The following NPC1 variants were observed in gnomAD, a reference collection of about 807,000 sequenced individuals.
NPC1 encodes the protein NPC intracellular cholesterol transporter 1, also known as Niemann-Pick C1 protein.
A neutral mutation model predicts 140.4 loss-of-function variants in NPC1; 85 were observed. The ratio of observed to expected loss-of-function variants is 0.61; its 90% CI spans 0.51 to 0.72. NPC1 has a LOEUF of 0.72. Among genes scored for constraint, NPC1 ranks in the 30% least tolerant of loss-of-function variants. The pLI is 0.00. For missense variants in NPC1, 1,504 were observed against 1,623.8 expected (o/e 0.93, Z 1.27); for synonymous variants, 656 against 624.8 (o/e 1.05, Z -0.74).
intron 1 of NPC1, 29 bp from the exon 2 acceptor site, chr18:23,573,603 T>C (rs1452099024): frequency 1.2e-6 from 2 of 1,613,924 alleles, no homozygotes; most frequent in African/African-American, 2.7e-5. Context: ...AACTTCAGTG[T>C]TACCAGGGTC....
At chr18:23,574,445 T>TA (rs11377814) in intron 1 of NPC1, among the ~76,000 whole-genome samples, 4,661 of 146,270 alleles carry the variant, frequency 0.032, 203 homozygotes, top group African/African-American at 0.11. Context: ...GGGAAAGCCA[T>TA]AAAAAAAAAA....
At chr18:23,516,691 T>C (rs964034188) in intron 3 of NPC1, among the ~76,000 whole-genome samples, 52 of 151,746 alleles carry the variant, frequency 3.4e-4, no homozygotes, top group African/African-American at 1.3e-3. Flanking sequence ...TTGAACCAAT[T>C]TATTTCTTAG....
chr18:23,564,031 C>G (rs140944965), intron 4 of NPC1, among the ~76,000 whole-genome samples: 248 of 131,370 alleles, frequency 1.9e-3, no homozygotes, highest in African/African-American at 7.0e-3. Context: ...GTCCCTCAGG[C>G]TGGAGTCCAA....
chr18:23,506,998 A>G, intron 3 of NPC1: 2 of 1,609,670 alleles, frequency 1.2e-6, no homozygotes. Flanking sequence ...AGTGAAGTGC[A>G]TTAAGTTTTC....
At chr18:23,550,542 C>T (rs1158688424) in intron 10 of NPC1, among the ~76,000 whole-genome samples, 8 of 119,886 alleles carry the variant, frequency 6.7e-5, no homozygotes, top group Admixed American at 1.1e-4. Context: ...AGTGCAGTGA[C>T]TTGATCTTGG....
intron 13 of NPC1, 78 bp downstream of exon 13, chr18:23,544,266 G>A (rs966064662): frequency 3.6e-6 from 5 of 1,391,550 alleles, no homozygotes; most frequent in African/African-American, 2.8e-5. Context: ...TCACACTCAC[G>A]AATGCGGAGC....
rs1555634642 is a variant in NPC1, at chr18:23,544,946, C to CCCCCG, written c.1947+13_1947+14insCGGGG. On this transcript the variant is annotated intron_variant, in intron 12 of 24. Coordinates refer to ENST00000269228, the MANE Select transcript of NPC1 (RefSeq NM_000271.5). ...GTTAACCTCTAGAACATACACCACC[C>CCCCCG]CCCCCCGGCTTACCAGAAGCCTGCG... 94 of 1,329,752 alleles carry CCCCCG rather than the reference C, an allele frequency of 7.1e-5. 1 individual carries two copies. The highest frequency in any genetic ancestry group is 5.4e-4 in the Middle Eastern group (3 of 5,542). The allele number at this position is 1,329,752 out of a possible 1,614,324, so 82.4% of individuals were successfully genotyped here.
At chr18:23,545,628 G>C (rs950105054) in intron 11 of NPC1, among the ~76,000 whole-genome samples, 1 of 152,194 alleles carries the variant, frequency 6.6e-6, no homozygotes, top group Non-Finnish European at 1.5e-5. Context: ...GTCTCTCTCT[G>C]TTGCCTCGGC....
intron 4 of NPC1, among the ~76,000 whole-genome samples, chr18:23,564,352 CTTTTT>C (rs201248333): frequency 7.3e-5 from 11 of 151,652 alleles, no homozygotes; most frequent in African/African-American, 2.4e-4. Flanking sequence ...TATTCTTGTC[CTTTTT>C]TTTGAGACAG....
At chr18:23,525,087 C>T (rs1316634753), downstream of NPC1, among the ~76,000 whole-genome samples, 2 of 151,276 alleles carry the variant, frequency 1.3e-5, no homozygotes, top group Non-Finnish European at 2.9e-5. Context: ...GCTGGGATTA[C>T]AGGCATGTGC....
rs374406578 is a variant in NPC1 at position 23,539,474 on chromosome 18, G to C, written c.2796-4C>G. 1.9e-6 allele frequency: 3 copies of C among 1,601,616 alleles called. No individual in the cohort carries two copies. Among genetic ancestry groups the C allele is most frequent in the Non-Finnish European group, 2.6e-6 (3 of 1,169,552 alleles). On this transcript the variant is annotated splice_polypyrimidine_tract_variant and splice_region_variant and intron_variant, in intron 18 of 24. Coordinates refer to ENST00000269228, the MANE Select transcript of NPC1 (RefSeq NM_000271.5). ...GGGGGCGAAGCCTATTCGGGTACTAGAGAGGACAGACAGGGTTACTGACCT... is the reference window on the plus strand; with the variant it reads ...GGGGGCGAAGCCTATTCGGGTACTACAGAGGACAGACAGGGTTACTGACCT...
rs1459967257 is a variant in NPC1, at chr18:23,536,852, T to G, written c.3066A>C (p.Ala1022=). 5 of 1,614,116 alleles carry G rather than the reference T, an allele frequency of 3.1e-6. No individual in the cohort carries two copies. The highest frequency in any genetic ancestry group is 1.3e-5 in the African/African-American group (1 of 75,044). ...TGCCATGGCCAAGGAGGATGTTAAC[T>G]GCAGAACTATAGGCAGCATGTCCCC... The part of the protein sequence containing the change: ...GKGGHAAYSS[A]VNILLGHGTR... The change falls in exon 21 of 25, where the codon GCA becomes GCC. Residue 1022 remains alanine, a synonymous_variant. Coordinates refer to ENST00000269228, the MANE Select transcript of NPC1 (RefSeq NM_000271.5).
chr18:23,539,775 C>A, intron 18 of NPC1, 36 bp downstream of exon 18: 1 of 1,606,456 alleles, frequency 6.2e-7, no homozygotes, highest in Non-Finnish European at 8.5e-7. Flanking sequence ...GAGCCTCCTC[C>A]GCTGCTTCTG....
At chr18:23,555,726 G>A (rs576050543) in intron 8 of NPC1, among the ~76,000 whole-genome samples, 8 of 152,280 alleles carry the variant, frequency 5.3e-5, no homozygotes, top group East Asian at 3.9e-4. Context: ...CCCCAAATGC[G>A]CCTCTCACCA....
intron 1 of NPC1, among the ~76,000 whole-genome samples, chr18:23,523,530 G>C (rs2058199526): frequency 9.7e-6 from 1 of 103,344 alleles, no homozygotes; most frequent in African/African-American, 3.9e-5. Flanking sequence ...AGGTAACATA[G>C]ACCTTGTCTT....
chr18:23,530,596 C>A, downstream of NPC1: 1 of 1,613,602 alleles, frequency 6.2e-7, no homozygotes, highest in South Asian at 1.1e-5. Flanking sequence ...TGCGAGGGAG[C>A]CCCAATTTCA....
chr18:23,519,726 C>G (rs777130664), downstream of NPC1, among the ~76,000 whole-genome samples: 1 of 152,204 alleles, frequency 6.6e-6, no homozygotes, highest in Non-Finnish European at 1.5e-5. Context: ...GGAATCCGCT[C>G]CATTCCACGA....
intron 3 of NPC1, chr18:23,508,145 T>A: frequency 9.7e-7 from 1 of 1,035,860 alleles, no homozygotes; most frequent in Non-Finnish European, 1.4e-6. Flanking sequence ...AGACTTGAAG[T>A]CAGACTGTCC....
chr18:23,532,153 A>T lies in NPC1; in HGVS notation c.*49T>A. 6.2e-7 allele frequency: 1 copy of T among 1,614,072 alleles called. No individual in the cohort carries two copies. On this transcript the variant is annotated 3_prime_UTR_variant, in exon 25 of 25. Transcript: ENST00000269228. ...CCGATGCAGCACCCGTCCAGTGGTA[A>T]ACCGACCGACCCTTAGACACAGTTC... is the stretch of plus-strand genomic sequence containing the variant.
Sources: allele counts gnomAD v4.1 joint callset (sites outside exome capture counted in the v4.1 genomes callset), GRCh38; gene constraint gnomAD v4.1.1; transcripts MANE v1.5; gene names NCBI Gene and HGNC (gene_info 2026-07-23, HGNC 2026-07-21).